Variants in NCEH1 observed in about 807,000 individuals in gnomAD.
NCEH1 encodes the protein neutral cholesterol ester hydrolase 1.
Under a neutral mutation model 25.4 loss-of-function variants are expected in NCEH1, and 9 were observed. That is an observed-to-expected ratio of 0.35 (90% CI 0.21 to 0.62). The LOEUF is 0.62. NCEH1 is among the 20% of genes least tolerant of loss of function. The pLI, the probability that NCEH1 is intolerant of heterozygous loss-of-function variation, is 0.72. For missense variants in NCEH1, 412 were observed against 501.1 expected (o/e 0.82, Z 1.70); for synonymous variants, 200 against 199.8 (o/e 1.00, Z -0.01).
intron 1 of NCEH1, among the ~76,000 whole-genome samples, chr3:172,663,479 G>C (rs1250724908): frequency 6.6e-6 from 1 of 152,140 alleles, no homozygotes; most frequent in Non-Finnish European, 1.5e-5. Context: ...TATTAGGTCT[G>C]CTTGGTGTAG....
intron 1 of NCEH1, among the ~76,000 whole-genome samples, chr3:172,694,378 ATGTGTG>A (rs369794698): frequency 1.3e-5 from 2 of 151,236 alleles, no homozygotes; most frequent in African/African-American, 4.9e-5. Context: ...AGTTATATAT[ATGTGTG>A]TGTGTGTGTC....
intron 1 of NCEH1, among the ~76,000 whole-genome samples, chr3:172,653,737 TTTTTTTG>T (rs1717529277): frequency 3.0e-5 from 2 of 67,106 alleles, no homozygotes; most frequent in African/African-American, 1.6e-4. Context: ...GTTGTTCTGT[TTTTTTTG>T]TTTTTTTGTT....
intron 1 of NCEH1, among the ~76,000 whole-genome samples, chr3:172,705,144 G>GA (rs1360803850): frequency 6.6e-6 from 1 of 152,212 alleles, no homozygotes; most frequent in African/African-American, 2.4e-5. Context: ...TCCCTGGGGG[G>GA]AAAAGTTACT....
chr3:172,665,949 G>A (rs931930155), intron 1 of NCEH1, among the ~76,000 whole-genome samples: 10 of 152,146 alleles, frequency 6.6e-5, no homozygotes, highest in South Asian at 2.1e-4. Flanking sequence ...CGGGTGAGGC[G>A]ATGCCCCACC....
chr3:172,646,905 C>T (rs1441728739), intron 2 of NCEH1, among the ~76,000 whole-genome samples: 2 of 152,152 alleles, frequency 1.3e-5, no homozygotes, highest in East Asian at 1.9e-4. Flanking sequence ...CTTAGACTGA[C>T]CAATGGTCCA....
intron 1 of NCEH1, among the ~76,000 whole-genome samples, chr3:172,658,163 C>G (rs1717790073): frequency 1.3e-5 from 2 of 152,178 alleles, no homozygotes; most frequent in African/African-American, 4.8e-5. Context: ...TGAGAGTGAC[C>G]TCTGGTGGTC....
intron 1 of NCEH1, among the ~76,000 whole-genome samples, chr3:172,681,747 A>G (rs2108521081): frequency 6.6e-6 from 1 of 151,526 alleles, no homozygotes. Context: ...AAAAAAAAAA[A>G]AAAAAAAAAA....
At chr3:172,710,744 G>A (rs1216968116) in intron 1 of NCEH1, 103 bp downstream of exon 1, 19 of 1,384,942 alleles carry the variant, frequency 1.4e-5, no homozygotes, top group Middle Eastern at 3.7e-4. Context: ...CAATGCATTA[G>A]GAAAAACCTG....
intron 1 of NCEH1, among the ~76,000 whole-genome samples, chr3:172,710,622 T>C (rs562675672): frequency 6.6e-6 from 1 of 152,330 alleles, no homozygotes; most frequent in East Asian, 1.9e-4. Context: ...CAAGCACTTC[T>C]TCCCCGTCAC....
Position 172,631,631 on chromosome 3 carries a change from T to C in NCEH1, c.*1844A>G, listed in dbSNP as rs1716358266. 1 of 152,660 alleles carries C rather than the reference T, an allele frequency of 6.6e-6. No homozygotes were observed. Among genetic ancestry groups the C allele is most frequent in the African/African-American group, 2.4e-5 (1 of 41,468 alleles). The allele number at this position is 152,660 out of a possible 1,614,324, so 9.5% of individuals were successfully genotyped here. On this transcript the variant is annotated 3_prime_UTR_variant, in exon 5 of 5. Transcript: ENST00000475381. ...AAGTACATTAGCAAGTTAGCTTCAATGGTTATTTTTATACACACACAGGCA... is the reference window on the plus strand; with the variant it reads ...AAGTACATTAGCAAGTTAGCTTCAACGGTTATTTTTATACACACACAGGCA...
At chr3:172,657,119 T>C (rs992985956) in intron 1 of NCEH1, among the ~76,000 whole-genome samples, 3 of 152,204 alleles carry the variant, frequency 2.0e-5, no homozygotes, top group African/African-American at 7.2e-5. Flanking sequence ...CCATTTTTTA[T>C]TTCATTCGAC....
At chr3:172,643,001 C>T (rs936221133) in intron 3 of NCEH1, among the ~76,000 whole-genome samples, 9 of 152,116 alleles carry the variant, frequency 5.9e-5, no homozygotes, top group Non-Finnish European at 1.3e-4. Flanking sequence ...TGCAATGGCT[C>T]AATCTCGGCT....
intron 3 of NCEH1, among the ~76,000 whole-genome samples, chr3:172,636,831 A>G (rs761105106): frequency 4.6e-5 from 7 of 152,206 alleles, no homozygotes; most frequent in South Asian, 2.1e-4. Context: ...GGTTTTGTCA[A>G]ATGCCTCACC....
chr3:172,659,985 CTT>C (rs59222244), intron 1 of NCEH1, among the ~76,000 whole-genome samples: 3 of 140,526 alleles, frequency 2.1e-5, no homozygotes, highest in Admixed American at 7.0e-5. Flanking sequence ...TGAAGCATTT[CTT>C]TTTTTTTTTT....
intron 1 of NCEH1, among the ~76,000 whole-genome samples, chr3:172,699,953 T>C (rs1713591003): frequency 6.6e-6 from 1 of 152,216 alleles, no homozygotes; most frequent in Non-Finnish European, 1.5e-5. Flanking sequence ...CAATAAATTA[T>C]ACGGCTACCT....
chr3:172,674,477 C>T (rs968724425), intron 1 of NCEH1, among the ~76,000 whole-genome samples: 1 of 150,250 alleles, frequency 6.7e-6, no homozygotes, highest in Non-Finnish European at 1.5e-5. Context: ...GTGAGGGCTA[C>T]TCATCTTACT....
At chr3:172,670,394 T>C (rs1001026203) in intron 1 of NCEH1, among the ~76,000 whole-genome samples, 1 of 152,256 alleles carries the variant, frequency 6.6e-6, no homozygotes, top group Non-Finnish European at 1.5e-5. Context: ...TGAATGTCTT[T>C]TCTAATAAGG....
intron 1 of NCEH1, among the ~76,000 whole-genome samples, chr3:172,705,307 G>A (rs1164373520): frequency 6.6e-6 from 1 of 152,282 alleles, no homozygotes; most frequent in South Asian, 2.1e-4. Flanking sequence ...CACATTCTGA[G>A]AATGACCCTG....
chr3:172,687,504 A>G (rs1159320757), intron 1 of NCEH1, among the ~76,000 whole-genome samples: 1 of 152,274 alleles, frequency 6.6e-6, no homozygotes, highest in East Asian at 1.9e-4. Flanking sequence ...TATTTATTAC[A>G]TGAAACATTA....
Sources: gnomAD v4.1 joint callset for allele counts (sites outside exome capture counted in the v4.1 genomes callset) on GRCh38, gnomAD v4.1.1 for gene constraint, MANE v1.5 for transcripts, NCBI Gene and HGNC (gene_info 2026-07-23, HGNC 2026-07-21) for gene names.